DNAJC15: variants seen among roughly 807,000 people sequenced by gnomAD.
The protein encoded by DNAJC15 is dnaJ homolog subfamily C member 15.
A neutral mutation model predicts 22.4 loss-of-function variants in DNAJC15; 27 were observed. That is an observed-to-expected ratio of 1.20 (90% CI 0.89 to 1.66). The LOEUF (loss-of-function observed/expected upper bound fraction) is 1.66. Ranked by LOEUF, DNAJC15 falls within the 40% of genes most tolerant of loss-of-function variation. DNAJC15 has a pLI of 0.00. For missense variants in DNAJC15, 208 were observed against 187.1 expected, an observed-to-expected ratio of 1.11 and a Z score of -0.65; for synonymous variants, 79 against 63.2, an observed-to-expected ratio of 1.25 and a Z score of -1.19.
chr13:43,101,857 C>T (rs931982564), intron 5 of DNAJC15, among the ~76,000 whole-genome samples: 3 of 152,130 alleles, frequency 2.0e-5, no homozygotes, highest in African/African-American at 7.2e-5. Flanking sequence ...AAGCTGGTTC[C>T]ATATTTTTAC....
intron 1 of DNAJC15, among the ~76,000 whole-genome samples, chr13:43,032,381 C>T (rs1276628741): frequency 1.3e-5 from 2 of 152,224 alleles, no homozygotes; most frequent in Non-Finnish European, 2.9e-5. Flanking sequence ...TTTGAAAGCA[C>T]AGTCTCCTAA....
chr13:43,088,047 G>A (rs186678490), intron 5 of DNAJC15, among the ~76,000 whole-genome samples: 94 of 152,222 alleles, frequency 6.2e-4, no homozygotes, highest in African/African-American at 2.2e-3. Context: ...TAGTTTTACA[G>A]TAATGCATAG....
chr13:43,086,895 C>T (rs1184942895), intron 5 of DNAJC15, among the ~76,000 whole-genome samples: 1 of 152,156 alleles, frequency 6.6e-6, no homozygotes, highest in Non-Finnish European at 1.5e-5. Context: ...TACTAACATC[C>T]TTTAGTCTCA....
chr13:43,034,610 C>T (rs1310460597), intron 1 of DNAJC15, among the ~76,000 whole-genome samples: 6 of 104,356 alleles, frequency 5.7e-5, no homozygotes, highest in Non-Finnish European at 8.0e-5. Context: ...CCACCGCACC[C>T]AGCCGAGATT....
Position 43,056,952 on chromosome 13 carries a change from T to C in DNAJC15, c.109-8734T>C, listed in dbSNP as rs9594875. Among the ~76,000 whole-genome samples the C allele has an allele frequency of 6.4e-3, 975 of 152,332 alleles. 4 individuals are homozygous for C. Among genetic ancestry groups the C allele is most frequent in the African/African-American group, 0.022 (914 of 41,570 alleles). On this transcript the variant is annotated intron_variant, in intron 1 of 5. Transcript: ENST00000379221. Reference sequence around the variant, plus strand: ...ATATAGGACCCAGATTCCTTCTTGATCGTAGGGTTTCTGCTGAGAAATCTA... The same window carrying C: ...ATATAGGACCCAGATTCCTTCTTGACCGTAGGGTTTCTGCTGAGAAATCTA...
At chr13:43,089,353 C>T (rs1454391548) in intron 5 of DNAJC15, among the ~76,000 whole-genome samples, 1 of 151,928 alleles carries the variant, frequency 6.6e-6, no homozygotes, top group African/African-American at 2.4e-5. Flanking sequence ...GAGGAGCAGA[C>T]AAAAAATAAG....
At position 43,107,376 on chromosome 13, in the gene DNAJC15, A is replaced by G. The variant is rs1443017185; in HGVS notation, c.*128A>G. The G allele has an allele frequency of 3.3e-6, 2 of 614,732 alleles. No homozygotes were observed. Among genetic ancestry groups the G allele is most frequent in the Admixed American group, 4.1e-5 (1 of 24,132 alleles). The allele number at this position is 614,732 out of a possible 1,614,324, so 38.1% of individuals were successfully genotyped here. ...ATTGACCACAGTCTTATCTTCCACC[A>G]TTAAGCTGTATAACAATAAAATGTT... is the stretch of plus-strand genomic sequence containing the variant. On this transcript the variant is annotated 3_prime_UTR_variant, in exon 6 of 6. Coordinates refer to ENST00000379221, the MANE Select transcript of DNAJC15 (RefSeq NM_013238.3).
intron 5 of DNAJC15, among the ~76,000 whole-genome samples, chr13:43,098,138 G>A (rs1174684365): frequency 6.6e-6 from 1 of 152,170 alleles, no homozygotes; most frequent in African/African-American, 2.4e-5. Context: ...GCATGTATAT[G>A]TGAAGTCCCT....
chr13:43,063,978 C>T (rs867445539), intron 1 of DNAJC15, among the ~76,000 whole-genome samples: 4 of 152,182 alleles, frequency 2.6e-5, no homozygotes, highest in South Asian at 2.1e-4. Flanking sequence ...TAAATCAATA[C>T]GTCTTCTATT....
intron 1 of DNAJC15, among the ~76,000 whole-genome samples, chr13:43,023,978 C>G (rs1264512117): frequency 6.6e-6 from 1 of 152,188 alleles, no homozygotes; most frequent in Non-Finnish European, 1.5e-5. Context: ...GGGACACAAA[C>G]CAGAAAACAG....
chr13:43,100,096 T>C (rs916161853), intron 5 of DNAJC15, among the ~76,000 whole-genome samples: 1 of 152,142 alleles, frequency 6.6e-6, no homozygotes, highest in Non-Finnish European at 1.5e-5. Flanking sequence ...ATCAGTAGTT[T>C]GTATCTTTTA....
At chr13:43,084,965 C>G (rs969846861) in intron 4 of DNAJC15, among the ~76,000 whole-genome samples, 2 of 152,142 alleles carry the variant, frequency 1.3e-5, no homozygotes, top group African/African-American at 4.8e-5. Flanking sequence ...CTCATTTAAT[C>G]CTTACAGTTG....
At position 43,034,750 on chromosome 13, in the gene DNAJC15, A is replaced by G. The variant is rs112389346; in HGVS notation, c.108+11016A>G. 5.6e-3 allele frequency among the ~76,000 whole-genome samples: 858 copies of G among 152,110 alleles called. 1 individual carries two copies. Among genetic ancestry groups the G allele is most frequent in the Non-Finnish European group, 9.7e-3 (657 of 67,976 alleles). On this transcript the variant is annotated intron_variant, in intron 1 of 5. Coordinates refer to ENST00000379221, the MANE Select transcript of DNAJC15 (RefSeq NM_013238.3). The stretch of plus-strand genomic sequence containing the variant: ...AGCTGTTTTATCTTTGGCCATTGGG[A>G]TCTCTTTCAGTTGACTCTTGTGTAC...
intron 5 of DNAJC15, among the ~76,000 whole-genome samples, chr13:43,087,178 A>G (rs1410715068): frequency 6.6e-6 from 1 of 152,172 alleles, no homozygotes; most frequent in African/African-American, 2.4e-5. Context: ...GATGCTTTTA[A>G]TGTTTTTGGA....
At chr13:43,096,025 CT>C (rs374069728) in intron 5 of DNAJC15, among the ~76,000 whole-genome samples, 2,795 of 147,416 alleles carry the variant, frequency 0.019, 92 homozygotes, top group East Asian at 0.1. Flanking sequence ...TTGCTTTTTA[CT>C]TTTTTTTTTA....
At chr13:43,099,282 T>C (rs1196703766) in intron 5 of DNAJC15, among the ~76,000 whole-genome samples, 2 of 152,204 alleles carry the variant, frequency 1.3e-5, no homozygotes, top group Non-Finnish European at 2.9e-5. Context: ...CTAATAGTTA[T>C]TGGTGGATTC....
intron 3 of DNAJC15, among the ~76,000 whole-genome samples, chr13:43,071,686 A>C (rs981002081): frequency 2.0e-5 from 3 of 152,216 alleles, no homozygotes; most frequent in Non-Finnish European, 4.4e-5. Context: ...GGGTTACTAA[A>C]AAGACAGGAA....
intron 1 of DNAJC15, among the ~76,000 whole-genome samples, chr13:43,035,343 G>C (rs73473954): frequency 0.034 from 5,140 of 152,206 alleles, 301 homozygotes; most frequent in African/African-American, 0.12. Flanking sequence ...CAAGTGAACA[G>C]TAAAGAACCT....
At chr13:43,034,175 TACTGC>T (rs2040416861) in intron 1 of DNAJC15, among the ~76,000 whole-genome samples, 1 of 152,060 alleles carries the variant, frequency 6.6e-6, no homozygotes, top group South Asian at 2.1e-4. Flanking sequence ...TTTATTTGCA[TACTGC>T]ACTTTTTGAA....
Sources: allele counts gnomAD v4.1 joint callset (sites outside exome capture counted in the v4.1 genomes callset), GRCh38; gene constraint gnomAD v4.1.1; transcripts MANE v1.5; gene names NCBI Gene and HGNC (gene_info 2026-07-23, HGNC 2026-07-21).